The following ARHGAP31 variants were observed in gnomAD, a reference collection of about 807,000 sequenced individuals.
ARHGAP31 encodes rho GTPase-activating protein 31.
A neutral mutation model predicts 113.9 loss-of-function variants in ARHGAP31; 34 were observed. The ratio of observed to expected loss-of-function variants is 0.30; its 90% CI spans 0.23 to 0.40. ARHGAP31 has a LOEUF of 0.40. Ranked by LOEUF, ARHGAP31 falls within the 10% of genes least tolerant of loss-of-function variation. The pLI is 1.00. For synonymous variants in ARHGAP31, 650 were observed against 684.8 expected, an observed-to-expected ratio of 0.95 and a Z score of 0.79; for missense variants, 1,548 against 1,767.1, an observed-to-expected ratio of 0.88 and a Z score of 2.22.
intron 9 of ARHGAP31, among the ~76,000 whole-genome samples, chr3:119,400,664 C>A (rs2080595421): frequency 1.3e-5 from 2 of 152,228 alleles, no homozygotes; most frequent in South Asian, 4.2e-4. Context: ...GGTCATCTAA[C>A]TGCTGAGTCT....
At chr3:119,297,780 G>A (rs76420755) in intron 1 of ARHGAP31, among the ~76,000 whole-genome samples, 2,902 of 152,242 alleles carry the variant, frequency 0.019, 64 homozygotes, top group South Asian at 0.054. Flanking sequence ...ACTTTCAGCT[G>A]GACAAACCTG....
At chr3:119,391,589 ACCC>A (rs368549202) in intron 7 of ARHGAP31, among the ~76,000 whole-genome samples, 7 of 103,754 alleles carry the variant, frequency 6.7e-5, no homozygotes, top group African/African-American at 2.5e-4. Context: ...CTGGGTCTCT[ACCC>A]CCCCCTCCCC....
At chr3:119,404,212 C>T (rs1041076171) in intron 10 of ARHGAP31, among the ~76,000 whole-genome samples, 14 of 152,302 alleles carry the variant, frequency 9.2e-5, no homozygotes, top group African/African-American at 3.1e-4. Flanking sequence ...TTGTTATCCT[C>T]TCTGGAAGAA....
chr3:119,300,842 A>AGAAAG (rs1553757923), intron 1 of ARHGAP31, among the ~76,000 whole-genome samples: 3 of 139,040 alleles, frequency 2.2e-5, no homozygotes, highest in Non-Finnish European at 4.6e-5. Context: ...AAAAAAAAAA[A>AGAAAG]AAAGAAAGAA....
intron 1 of ARHGAP31, chr3:119,330,127 G>A (rs1463474217): frequency 4.7e-6 from 3 of 637,022 alleles, no homozygotes; most frequent in Non-Finnish European, 5.9e-6. Flanking sequence ...GAGCCTTCAG[G>A]AAAACAGCAA....
At position 119,394,659 on chromosome 3, in the gene ARHGAP31, CA is replaced by C. The variant is rs142136250; in HGVS notation, c.1006+1076del. Reference sequence around the variant, plus strand: ...GATCCTGGAAAAAAAACCAAAAAAACAAAAAAAAGAGCTGACCGAGCACAGT... The same window carrying C: ...GATCCTGGAAAAAAAACCAAAAAAACAAAAAAAGAGCTGACCGAGCACAGT... On this transcript the variant is annotated intron_variant, in intron 8 of 11. Coordinates refer to ENST00000264245, the MANE Select transcript of ARHGAP31 (RefSeq NM_020754.4). 6.4e-3 allele frequency among the ~76,000 whole-genome samples: 961 copies of C among 151,290 alleles called. 14 individuals carry two copies. Among genetic ancestry groups the C allele is most frequent in the African/African-American group, 0.022 (909 of 41,246 alleles).
intron 1 of ARHGAP31, among the ~76,000 whole-genome samples, chr3:119,335,417 G>A (rs139550182): frequency 3.7e-4 from 57 of 152,272 alleles, no homozygotes; most frequent in African/African-American, 1.2e-3. Context: ...TTGCCAGGAC[G>A]CAAGCCAAGT....
rs775132237 is a variant in ARHGAP31, at chr3:119,414,540, G to T, written c.2611G>T (p.Val871Phe). Reference sequence around the variant, plus strand: ...AAGCCCAACCAGGGAGGTTGAGATCGTCTCACAAGAAGAGGAGGATGTAAC... The same window carrying T: ...AAGCCCAACCAGGGAGGTTGAGATCTTCTCACAAGAAGAGGAGGATGTAAC... ...FPSPTREVEI[V>F]SQEEEDVTHS... is the part of the protein sequence containing the mutation. The change falls in exon 12 of 12, where the codon GTC becomes TTC. Residue 871 changes from valine (V) to phenylalanine (F), a missense_variant. Physicochemically the swap from Val to Phe is conservative, Grantham distance 50. Transcript: ENST00000264245. 6 of 1,614,104 alleles carry T rather than the reference G, an allele frequency of 3.7e-6. No individual in the cohort carries two copies. The African/African-American group carries it at 8.0e-5, about 22-fold the overall frequency.
In ARHGAP31 at chr3:119,407,681, G is replaced by A. The variant is rs542064717; in HGVS notation, c.1646-1815G>A. Among the ~76,000 whole-genome samples, 10 of 152,346 alleles carry A rather than the reference G, an allele frequency of 6.6e-5. No individual in the cohort carries two copies. In the East Asian group the frequency reaches 1.3e-3, roughly 21 times the overall value. On this transcript the variant is annotated intron_variant, in intron 10 of 11. Coordinates refer to ENST00000264245, the MANE Select transcript of ARHGAP31 (RefSeq NM_020754.4). ...ATGGTGGGTGACCAAGGAGAGGTTG[G>A]TCTGGGAAGCCTTGAAAGAGGTGTT...
chr3:119,363,275 G>A (rs1345274752), intron 1 of ARHGAP31, among the ~76,000 whole-genome samples: 2 of 152,126 alleles, frequency 1.3e-5, no homozygotes, highest in African/African-American at 4.8e-5. Context: ...CTATCTATTT[G>A]CATGAGCATG....
At chr3:119,296,763 A>G (rs1279612462) in intron 1 of ARHGAP31, among the ~76,000 whole-genome samples, 1 of 152,050 alleles carries the variant, frequency 6.6e-6, no homozygotes, top group Non-Finnish European at 1.5e-5. Context: ...AAAAAAAAAC[A>G]GAGACTACTG....
intron 1 of ARHGAP31, among the ~76,000 whole-genome samples, chr3:119,295,417 T>C (rs912947589): frequency 4.8e-5 from 7 of 146,744 alleles, no homozygotes; most frequent in African/African-American, 1.5e-4. Flanking sequence ...GCCTTAGCTG[T>C]CCCTCCTGGG....
At chr3:119,317,166 T>C (rs1221034746) in intron 1 of ARHGAP31, among the ~76,000 whole-genome samples, 1 of 150,206 alleles carries the variant, frequency 6.7e-6, no homozygotes, top group East Asian at 2.0e-4. Context: ...GTATGTCACA[T>C]TTCTATTTTC....
chr3:119,393,183 C>T (rs1475016072), intron 7 of ARHGAP31, among the ~76,000 whole-genome samples: 4 of 152,166 alleles, frequency 2.6e-5, no homozygotes, highest in African/African-American at 7.2e-5. Context: ...AGATTCCTAC[C>T]GATTCTTGCA....
At chr3:119,297,411 G>C (rs1461081045) in intron 1 of ARHGAP31, among the ~76,000 whole-genome samples, 2 of 152,248 alleles carry the variant, frequency 1.3e-5, no homozygotes, top group African/African-American at 4.8e-5. Context: ...TGACAAGTCA[G>C]TGTGGTAACT....
intron 1 of ARHGAP31, among the ~76,000 whole-genome samples, chr3:119,324,448 T>G (rs1246566260): frequency 6.6e-6 from 1 of 152,250 alleles, no homozygotes; most frequent in South Asian, 2.1e-4. Context: ...ACGATAGTTA[T>G]TGTTGGTTGA....
At chr3:119,314,558 C>G (rs571872069) in intron 1 of ARHGAP31, 1 of 152,378 alleles carries the variant, frequency 6.6e-6, no homozygotes, top group East Asian at 1.9e-4. Flanking sequence ...CTTGGGATTG[C>G]GTGGTAGTGA....
chr3:119,295,082 T>TA (rs1479109290), intron 1 of ARHGAP31, 78 bp downstream of exon 1: 1 of 1,327,398 alleles, frequency 7.5e-7, no homozygotes, highest in Non-Finnish European at 1.1e-6. Flanking sequence ...CGAGTTGTGA[T>TA]AGAGTCGGTT....
At chr3:119,383,961 C>T (rs2080425652) in intron 6 of ARHGAP31, among the ~76,000 whole-genome samples, 1 of 152,186 alleles carries the variant, frequency 6.6e-6, no homozygotes, top group Admixed American at 6.5e-5. Context: ...TGGACATCAT[C>T]CCCAGAGTTT....
Sources: gnomAD v4.1 joint callset for allele counts (sites outside exome capture counted in the v4.1 genomes callset) on GRCh38, gnomAD v4.1.1 for gene constraint, MANE v1.5 for transcripts, NCBI Gene and HGNC (gene_info 2026-07-23, HGNC 2026-07-21) for gene names.